Variants in RAD51B observed in about 807,000 individuals in gnomAD.
RAD51B encodes DNA repair protein RAD51 homolog 2.
In RAD51B, 38 loss-of-function variants were observed where a neutral mutation model predicts 42.2. That is an observed-to-expected ratio of 0.90 (90% CI 0.70 to 1.18). The LOEUF is 1.18. Ranked by LOEUF, RAD51B falls within the 50% of genes most tolerant of loss-of-function variation. The pLI is 0.00. For missense variants in RAD51B, 373 were observed against 400.7 expected (o/e 0.93, Z 0.59); for synonymous variants, 154 against 145.2 (o/e 1.06, Z -0.43).
intron 7 of RAD51B, among the ~76,000 whole-genome samples, chr14:68,145,655 G>A (rs776310195): frequency 6.6e-6 from 1 of 152,162 alleles, no homozygotes; most frequent in Non-Finnish European, 1.5e-5. Context: ...ATTAATATGT[G>A]AATTGAGTGA....
chr14:68,487,956 T>G (rs1388611226), intron 10 of RAD51B, among the ~76,000 whole-genome samples: 3 of 152,208 alleles, frequency 2.0e-5, no homozygotes, highest in African/African-American at 7.2e-5. Context: ...CCTCTGATCT[T>G]GCCCTTCTTA....
chr14:68,501,570 G>A (rs900315349), intron 10 of RAD51B, among the ~76,000 whole-genome samples: 2 of 151,974 alleles, frequency 1.3e-5, no homozygotes, highest in African/African-American at 4.8e-5. Context: ...CAAGCACAGG[G>A]TCAGCAGCAC....
intron 7 of RAD51B, among the ~76,000 whole-genome samples, chr14:68,045,444 T>C (rs962797239): frequency 6.6e-6 from 1 of 152,114 alleles, no homozygotes; most frequent in African/African-American, 2.4e-5. Context: ...AGTTAATTTT[T>C]GAATGTGAGG....
At chr14:68,238,556 T>A (rs1009831075) in intron 7 of RAD51B, among the ~76,000 whole-genome samples, 49 of 152,192 alleles carry the variant, frequency 3.2e-4, no homozygotes, top group African/African-American at 1.2e-3. Context: ...CCCCCTTCCT[T>A]GGCCTCCCAA....
intron 11 of RAD51B, among the ~76,000 whole-genome samples, chr14:68,678,962 C>A (rs1893369334): frequency 6.6e-6 from 1 of 152,168 alleles, no homozygotes; most frequent in Admixed American, 6.5e-5. Flanking sequence ...TTCTGACCCA[C>A]CTCTTCCCTT....
intron 11 of RAD51B, among the ~76,000 whole-genome samples, chr14:68,655,524 C>T (rs911007316): frequency 2.0e-5 from 3 of 152,124 alleles, no homozygotes; most frequent in Non-Finnish European, 4.4e-5. Context: ...CTGCTCAGGT[C>T]GGGGGAGAGG....
rs182582396 is a variant in RAD51B at position 68,212,316 on chromosome 14, C to G, written c.757-79568C>G. Among the ~76,000 whole-genome samples, 613 of 152,292 alleles carry G rather than the reference C, an allele frequency of 4.0e-3. 2 individuals are homozygous for G. Among genetic ancestry groups the G allele is most frequent in the Admixed American group, 8.0e-3 (122 of 15,304 alleles). On this transcript the variant is annotated intron_variant, in intron 7 of 10. Transcript: ENST00000471583. ...ATGCTGTATGACCTAAGACCCCGCTCTAAAAAGGATATTATCTTTACACTG... is the reference window on the plus strand; with the variant it reads ...ATGCTGTATGACCTAAGACCCCGCTGTAAAAAGGATATTATCTTTACACTG...
At chr14:68,446,524 T>A (rs2085425714) in intron 9 of RAD51B, among the ~76,000 whole-genome samples, 1 of 152,180 alleles carries the variant, frequency 6.6e-6, no homozygotes, top group Non-Finnish European at 1.5e-5. Context: ...AGGATCACAT[T>A]TCCTTTCTAC....
At chr14:68,244,453 C>G (rs1402340442) in intron 7 of RAD51B, among the ~76,000 whole-genome samples, 2 of 152,196 alleles carry the variant, frequency 1.3e-5, no homozygotes, top group African/African-American at 4.8e-5. Flanking sequence ...ATGGAGCAAA[C>G]ACCCAGACAG....
intron 7 of RAD51B, among the ~76,000 whole-genome samples, chr14:68,066,201 A>G (rs1471133216): frequency 4.6e-5 from 7 of 152,124 alleles, no homozygotes; most frequent in Non-Finnish European, 7.4e-5. Context: ...TTACGTTGTA[A>G]TAGTAATTAA....
At chr14:68,463,004 G>GC (rs2085883529) in intron 9 of RAD51B, among the ~76,000 whole-genome samples, 2 of 152,082 alleles carry the variant, frequency 1.3e-5, no homozygotes, top group South Asian at 4.1e-4. Flanking sequence ...TTTCACTAGG[G>GC]CCCTGTTGTT....
At chr14:68,489,570 A>C (rs1020568578) in intron 10 of RAD51B, among the ~76,000 whole-genome samples, 1 of 152,190 alleles carries the variant, frequency 6.6e-6, no homozygotes, top group Non-Finnish European at 1.5e-5. Context: ...TTTACCCCCT[A>C]AAGGCTTGTT....
intron 8 of RAD51B, among the ~76,000 whole-genome samples, chr14:68,310,956 C>G (rs1162930848): frequency 6.6e-6 from 1 of 152,146 alleles, no homozygotes; most frequent in East Asian, 1.9e-4. Context: ...TTTCCCAACC[C>G]CACACACCTC....
chr14:68,500,787 G>T lies in RAD51B; in HGVS notation c.1036+32537G>T, dbSNP rs558210201. ...CCCCCTGCCACATGGTCTCTCTGGT[G>T]TGAGAAGCTGACAGTCCACTGCTGA... On this transcript the variant is annotated intron_variant, in intron 10 of 10. Transcript: ENST00000487270. 8.5e-5 allele frequency among the ~76,000 whole-genome samples: 13 copies of T among 152,354 alleles called. No individual in the cohort carries two copies. In the South Asian group the frequency reaches 2.1e-3, roughly 24 times the overall value.
chr14:68,445,899 G>A (rs2085409042), intron 9 of RAD51B, among the ~76,000 whole-genome samples: 1 of 152,184 alleles, frequency 6.6e-6, no homozygotes, highest in Non-Finnish European at 1.5e-5. Context: ...GTTGGACTGA[G>A]AACGGTTTAA....
Position 68,145,278 on chromosome 14 carries a change from G to A in RAD51B, c.757-146606G>A, listed in dbSNP as rs34775461. On this transcript the variant is annotated intron_variant, in intron 7 of 10. Transcript: ENST00000471583. ...CAGGAATTTTCCAAAGCACTAGTGAGAACTCCATCAGAGACTGCATCCTAC... is the reference window on the plus strand; with the variant it reads ...CAGGAATTTTCCAAAGCACTAGTGAAAACTCCATCAGAGACTGCATCCTAC... 5.2e-3 allele frequency among the ~76,000 whole-genome samples: 797 copies of A among 152,288 alleles called. 2 individuals carry two copies. Among genetic ancestry groups the A allele is most frequent in the African/African-American group, 0.017 (724 of 41,560 alleles).
In RAD51B at chr14:68,420,619, G is replaced by A. The variant is rs549653959; in HGVS notation, c.957+9092G>A. On this transcript the variant is annotated intron_variant, in intron 9 of 10. Transcript: ENST00000471583. Reference sequence around the variant, plus strand: ...TGGGAGTGTCTTTTAACATGCTAATGCATTATAATTAGCGTATAATGAGCA... The same window carrying A: ...TGGGAGTGTCTTTTAACATGCTAATACATTATAATTAGCGTATAATGAGCA... Among the ~76,000 whole-genome samples, 13 of 152,270 alleles carry A rather than the reference G, an allele frequency of 8.5e-5. No individual in the cohort carries two copies. In the South Asian group the frequency reaches 2.5e-3, roughly 29 times the overall value.
intron 7 of RAD51B, among the ~76,000 whole-genome samples, chr14:68,276,462 G>A (rs1002748210): frequency 4.0e-5 from 6 of 151,818 alleles, no homozygotes; most frequent in Admixed American, 1.3e-4. Context: ...TTTTAACCAC[G>A]ATTTGTATTT....
In RAD51B at chr14:68,062,303, T is replaced by C. The variant is rs900325067; in HGVS notation, c.756+175099T>C. 4.6e-5 allele frequency among the ~76,000 whole-genome samples: 7 copies of C among 152,324 alleles called. No homozygotes were observed. The South Asian group carries it at 1.2e-3, about 27-fold the overall frequency. ...CTGCTGGATTTAATTTGTTAGTGTTTTATTGAGGATTTTTACATCTGTGTT... is the reference window on the plus strand; with the variant it reads ...CTGCTGGATTTAATTTGTTAGTGTTCTATTGAGGATTTTTACATCTGTGTT... On this transcript the variant is annotated intron_variant, in intron 7 of 10. Transcript: ENST00000471583.
Sources: allele counts gnomAD v4.1 joint callset (sites outside exome capture counted in the v4.1 genomes callset), GRCh38; gene constraint gnomAD v4.1.1; transcripts MANE v1.5; gene names NCBI Gene and HGNC (gene_info 2026-07-23, HGNC 2026-07-21).